The following SCAF8 variants were observed in gnomAD, a reference collection of about 807,000 sequenced individuals.
SCAF8 encodes the protein SR-related and CTD-associated factor 8.
In SCAF8, 23 loss-of-function variants were observed where a neutral mutation model predicts 140.5. The ratio of observed to expected loss-of-function variants is 0.16; its 90% CI spans 0.12 to 0.23. The LOEUF is 0.23. SCAF8 is among the 10% of genes least tolerant of loss of function. The probability of loss-of-function intolerance (pLI) is 1.00; values close to 1 mark genes in which losing one functional copy is unlikely to be tolerated. For synonymous variants in SCAF8, 575 were observed against 528.9 expected, an observed-to-expected ratio of 1.09 and a Z score of -1.20; for missense variants, 1,397 against 1,555.7, an observed-to-expected ratio of 0.90 and a Z score of 1.72.
At chr6:154,754,819 A>G (rs1245032793) in intron 1 of SCAF8, among the ~76,000 whole-genome samples, 1 of 152,110 alleles carries the variant, frequency 6.6e-6, no homozygotes, top group South Asian at 2.1e-4. Flanking sequence ...TCTCTTCAGA[A>G]ATTACTTGTA....
intron 1 of SCAF8, among the ~76,000 whole-genome samples, chr6:154,757,341 A>G (rs1778992102): frequency 6.6e-6 from 1 of 152,238 alleles, no homozygotes; most frequent in Non-Finnish European, 1.5e-5. Flanking sequence ...AGGATTATAG[A>G]TACATGATTG....
At chr6:154,743,194 G>T (rs1028081486) in intron 1 of SCAF8, among the ~76,000 whole-genome samples, 1 of 152,162 alleles carries the variant, frequency 6.6e-6, no homozygotes, top group Non-Finnish European at 1.5e-5. Flanking sequence ...AGTCCAGATT[G>T]CCTGTCCACT....
intron 1 of SCAF8, among the ~76,000 whole-genome samples, chr6:154,765,968 A>T (rs866275210): frequency 6.6e-6 from 1 of 152,156 alleles, no homozygotes. Flanking sequence ...TCCCCAACTA[A>T]TAATAGACTA....
chr6:154,768,798 C>T (rs1025201999), intron 1 of SCAF8, among the ~76,000 whole-genome samples: 13 of 152,154 alleles, frequency 8.5e-5, no homozygotes, highest in African/African-American at 2.9e-4. Flanking sequence ...CGCAGTGGCT[C>T]ACGCCTGTAA....
At chr6:154,734,041 G>C in intron 1 of SCAF8, 111 bp downstream of exon 1, 1 of 1,401,202 alleles carries the variant, frequency 7.1e-7, no homozygotes, top group Non-Finnish European at 9.3e-7. Context: ...AGGGTGGGGT[G>C]AGCGGTGGCC....
intron 3 of SCAF8, among the ~76,000 whole-genome samples, chr6:154,779,071 C>T (rs572460053): frequency 2.6e-3 from 400 of 152,106 alleles, no homozygotes; most frequent in African/African-American, 9.1e-3. Flanking sequence ...CTCACTCTGT[C>T]GCCCAAGCTG....
chr6:154,770,234 A>G (rs1353710055), intron 1 of SCAF8, among the ~76,000 whole-genome samples: 1 of 151,970 alleles, frequency 6.6e-6, no homozygotes, highest in East Asian at 1.9e-4. Flanking sequence ...CGGGCAGATG[A>G]CTTGAGCCCA....
chr6:154,751,822 A>T (rs1370204123), intron 1 of SCAF8, among the ~76,000 whole-genome samples: 1 of 152,210 alleles, frequency 6.6e-6, no homozygotes. Flanking sequence ...CTGGGACAGA[A>T]TAAGGAGCAT....
At chr6:154,765,307 G>A (rs1776530858) in intron 1 of SCAF8, among the ~76,000 whole-genome samples, 1 of 152,114 alleles carries the variant, frequency 6.6e-6, no homozygotes, top group Admixed American at 6.5e-5. Flanking sequence ...GTAGTGAACT[G>A]TATAGAACAC....
In SCAF8 at chr6:154,832,173, G is replaced by C; in HGVS notation, c.2594G>C (p.Ser865Thr). The C allele has an allele frequency of 6.2e-7, 1 of 1,614,012 alleles. No homozygotes were observed. Among genetic ancestry groups the C allele is most frequent in the Non-Finnish European group, 8.5e-7 (1 of 1,179,984 alleles). ...LGIQPPSVSN[S>T]SGLLGVLPPN... ...ATACAGCCACCCAGTGTGTCAAATAGTTCTGGACTTTTGGGAGTGCTACCC... is the reference window on the plus strand; with the variant it reads ...ATACAGCCACCCAGTGTGTCAAATACTTCTGGACTTTTGGGAGTGCTACCC... The change falls in exon 20 of 20, where the codon AGT (serine) becomes ACT (threonine). Residue 865 changes from serine (S) to threonine (T), a missense_variant. Around this residue, in one of 5 missense-constraint regions of SCAF8, gnomAD observed 930 missense variants for 874.6 expected, o/e 1.06. Transcript: ENST00000367178.
Position 154,733,822 on chromosome 6 carries a change from C to T in SCAF8, c.-79C>T, listed in dbSNP as rs1305131777. ...CCCCCTCCTCGCGGCCACGCAGCAG[C>T]CCGCGTCTCGCTCTCCCCACCCAGT... On this transcript the variant is annotated 5_prime_UTR_variant, in exon 1 of 20. Coordinates refer to ENST00000367178, the MANE Select transcript of SCAF8 (RefSeq NM_014892.5). 1 of 1,492,898 alleles carries T rather than the reference C, an allele frequency of 6.7e-7. No homozygotes were observed. The highest frequency in any genetic ancestry group is 8.9e-7 in the Non-Finnish European group (1 of 1,125,616). The allele number at this position is 1,492,898 out of a possible 1,614,324, so 92.5% of individuals were successfully genotyped here.
intron 1 of SCAF8, among the ~76,000 whole-genome samples, chr6:154,754,275 C>T (rs959061328): frequency 1.3e-5 from 2 of 152,182 alleles, no homozygotes; most frequent in Non-Finnish European, 2.9e-5. Flanking sequence ...GATCAGTAGA[C>T]TCAAAAGCTT....
At chr6:154,736,246 C>T (rs1422818269) in intron 1 of SCAF8, among the ~76,000 whole-genome samples, 1 of 148,684 alleles carries the variant, frequency 6.7e-6, no homozygotes, top group Non-Finnish European at 1.5e-5. Flanking sequence ...GGTCCTCCCC[C>T]TCAAAGGGCC....
At chr6:154,808,395 C>T (rs1777986557) in intron 10 of SCAF8, among the ~76,000 whole-genome samples, 194 bp downstream of exon 10, 1 of 152,110 alleles carries the variant, frequency 6.6e-6, no homozygotes, top group Non-Finnish European at 1.5e-5. Flanking sequence ...CCCAGAACTG[C>T]TTTGAATGCA....
chr6:154,825,516 A>G (rs978239306), intron 17 of SCAF8, among the ~76,000 whole-genome samples: 9 of 151,998 alleles, frequency 5.9e-5, no homozygotes, highest in Non-Finnish European at 1.2e-4. Flanking sequence ...TGTACAAAAA[A>G]TAAGAAAGTA....
At chr6:154,809,073 C>T (rs929319063) in intron 11 of SCAF8, among the ~76,000 whole-genome samples, 2 of 151,840 alleles carry the variant, frequency 1.3e-5, no homozygotes, top group Non-Finnish European at 2.9e-5. Flanking sequence ...ATGATGACAC[C>T]CAATTTAGAA....
At chr6:154,812,959 G>A (rs1778139647) in intron 12 of SCAF8, among the ~76,000 whole-genome samples, 1 of 151,918 alleles carries the variant, frequency 6.6e-6, no homozygotes, top group African/African-American at 2.4e-5. Context: ...GCTACTTTGG[G>A]AGGCACAGGC....
At chr6:154,749,651 A>G (rs910962602) in intron 1 of SCAF8, among the ~76,000 whole-genome samples, 1 of 152,192 alleles carries the variant, frequency 6.6e-6, no homozygotes, top group African/African-American at 2.4e-5. Context: ...CTCATTGTCA[A>G]GGAAATTGCA....
intron 3 of SCAF8, among the ~76,000 whole-genome samples, chr6:154,780,490 A>G (rs977815322): frequency 6.6e-6 from 1 of 151,610 alleles, no homozygotes; most frequent in South Asian, 2.1e-4. Flanking sequence ...CCCCACATAC[A>G]TTAGCTATTT....
Sources: gnomAD v4.1 joint callset for allele counts (sites outside exome capture counted in the v4.1 genomes callset) on GRCh38, gnomAD v4.1.1 for gene constraint, gnomAD v4.1.1 regional missense constraint, MANE v1.5 for transcripts, NCBI Gene and HGNC (gene_info 2026-07-23, HGNC 2026-07-21) for gene names.